Variants in CHCHD6 observed in about 807,000 individuals in gnomAD.
The protein encoded by CHCHD6 is MICOS complex subunit MIC25.
A neutral mutation model predicts 32.3 loss-of-function variants in CHCHD6; 28 were observed. The observed-to-expected ratio is 0.87, with a 90% CI of 0.64 to 1.19. The LOEUF (loss-of-function observed/expected upper bound fraction) is 1.19. Among genes scored for constraint, CHCHD6 ranks in the 50% most tolerant of loss-of-function variants. The probability of loss-of-function intolerance (pLI) is 0.00; values close to 1 mark genes in which losing one functional copy is unlikely to be tolerated. For missense variants in CHCHD6, 333 were observed against 307.0 expected (o/e 1.08, Z -0.63); for synonymous variants, 122 against 117.5 (o/e 1.04, Z -0.25).
At chr3:126,795,842 A>G (rs1282621258) in intron 4 of CHCHD6, among the ~76,000 whole-genome samples, 1 of 152,122 alleles carries the variant, frequency 6.6e-6, no homozygotes. Flanking sequence ...GGAAGCCAGA[A>G]TGGTTTACTT....
chr3:126,731,294 C>T (rs534748662), intron 3 of CHCHD6, among the ~76,000 whole-genome samples: 46 of 152,000 alleles, frequency 3.0e-4, no homozygotes, highest in Admixed American at 2.8e-3. Flanking sequence ...GAGCACAGGC[C>T]ACGACCCCAA....
At chr3:126,753,044 A>G (rs569238965) in intron 4 of CHCHD6, among the ~76,000 whole-genome samples, 2 of 152,266 alleles carry the variant, frequency 1.3e-5, no homozygotes, top group South Asian at 4.1e-4. Flanking sequence ...GGGGGATAGG[A>G]GGATTCCTTG....
chr3:126,911,891 G>A (rs2078096128), intron 5 of CHCHD6, among the ~76,000 whole-genome samples: 1 of 152,202 alleles, frequency 6.6e-6, no homozygotes, highest in South Asian at 2.1e-4. Context: ...TGACACTCAG[G>A]AGCCCTGTGG....
intron 5 of CHCHD6, among the ~76,000 whole-genome samples, chr3:126,879,316 C>A (rs968070153): frequency 2.0e-5 from 3 of 152,172 alleles, no homozygotes; most frequent in African/African-American, 7.2e-5. Flanking sequence ...GGAGACATTG[C>A]TGTGGCCATT....
intron 4 of CHCHD6, among the ~76,000 whole-genome samples, chr3:126,775,832 G>A (rs778371942): frequency 2.0e-5 from 3 of 152,194 alleles, no homozygotes; most frequent in Non-Finnish European, 2.9e-5. Flanking sequence ...GAACTGTTCC[G>A]GTAAAGGAAC....
At chr3:126,905,221 A>G (rs1270949316) in intron 5 of CHCHD6, among the ~76,000 whole-genome samples, 1 of 152,244 alleles carries the variant, frequency 6.6e-6, no homozygotes, top group Non-Finnish European at 1.5e-5. Context: ...AGTCTAAGCC[A>G]GGGAGACAGG....
chr3:126,823,880 T>TACAAAA (rs142328336), intron 4 of CHCHD6, among the ~76,000 whole-genome samples: 21,894 of 151,050 alleles, frequency 0.14, 1,759 homozygotes, highest in Middle Eastern at 0.24. Context: ...ACCCTATCTC[T>TACAAAA]ACAAAAACAA....
At position 126,877,731 on chromosome 3, in the gene CHCHD6, T is replaced by C. The variant is rs563082378; in HGVS notation, c.495+25001T>C. On this transcript the variant is annotated intron_variant, in intron 5 of 7. Coordinates refer to ENST00000290913, the MANE Select transcript of CHCHD6 (RefSeq NM_032343.3). ...CACAAATGAGTGTGTATAAATCTGG[T>C]GAAATCTGAATAAGATTGGTGGATT... Among the ~76,000 whole-genome samples the C allele has an allele frequency of 4.6e-5, 7 of 152,324 alleles. No individual in the cohort carries two copies. The South Asian group carries it at 1.5e-3, about 32-fold the overall frequency.
chr3:126,744,624 CA>C (rs1384263475), intron 4 of CHCHD6, among the ~76,000 whole-genome samples: 4 of 152,120 alleles, frequency 2.6e-5, no homozygotes, highest in African/African-American at 7.2e-5. Context: ...AACAAGACAC[CA>C]GGGGCAGCCA....
At chr3:126,861,261 G>A (rs1941849594) in intron 5 of CHCHD6, among the ~76,000 whole-genome samples, 1 of 151,978 alleles carries the variant, frequency 6.6e-6, no homozygotes, top group African/African-American at 2.4e-5. Flanking sequence ...TATAGTGTGA[G>A]GATAGTGGTT....
chr3:126,930,782 G>A lies in CHCHD6; in HGVS notation c.566+16032G>A, dbSNP rs542309501. ...CCCTTCCCTTCTCTCTTTGAACTCC[G>A]AAGCTCTTATCTCCTTTAGAAGCAA... On this transcript the variant is annotated intron_variant, in intron 6 of 7. Transcript: ENST00000290913. Among the ~76,000 whole-genome samples, 4 of 152,286 alleles carry A rather than the reference G, an allele frequency of 2.6e-5. No individual in the cohort carries two copies. In the South Asian group the frequency reaches 6.2e-4, roughly 24 times the overall value.
intron 4 of CHCHD6, among the ~76,000 whole-genome samples, chr3:126,805,166 C>T (rs1445652775): frequency 6.6e-6 from 1 of 152,192 alleles, no homozygotes. Flanking sequence ...TCTCTCACCA[C>T]CCCTATTCAA....
chr3:126,826,441 T>TA (rs747697001), intron 4 of CHCHD6, among the ~76,000 whole-genome samples: 62 of 152,316 alleles, frequency 4.1e-4, no homozygotes, highest in Middle Eastern at 3.4e-3. Context: ...ATTCAGTAAG[T>TA]AGAGAGAAGG....
At chr3:126,925,471 A>C (rs1448825543) in intron 6 of CHCHD6, among the ~76,000 whole-genome samples, 1 of 152,214 alleles carries the variant, frequency 6.6e-6, no homozygotes, top group South Asian at 2.1e-4. Flanking sequence ...TAACCAAGGG[A>C]AGTTGTACAG....
chr3:126,764,141 TTACTC>T (rs887694558), intron 4 of CHCHD6, among the ~76,000 whole-genome samples: 3 of 148,982 alleles, frequency 2.0e-5, no homozygotes, highest in Non-Finnish European at 4.4e-5. Context: ...TTTAAAATGT[TTACTC>T]TAAGAAATAT....
intron 1 of CHCHD6, among the ~76,000 whole-genome samples, chr3:126,721,287 G>A (rs1190078776): frequency 2.0e-5 from 3 of 152,064 alleles, no homozygotes; most frequent in African/African-American, 7.2e-5. Context: ...TCCACCCCAC[G>A]CCTTCCAAAG....
chr3:126,915,824 T>A (rs1267024987), intron 6 of CHCHD6, among the ~76,000 whole-genome samples: 1 of 152,138 alleles, frequency 6.6e-6, no homozygotes, highest in Non-Finnish European at 1.5e-5. Context: ...AGGGTCTCAC[T>A]GTGTGGGCCC....
intron 6 of CHCHD6, among the ~76,000 whole-genome samples, chr3:126,948,046 G>A (rs571403140): frequency 2.0e-5 from 3 of 152,224 alleles, no homozygotes; most frequent in Admixed American, 2.0e-4. Context: ...CCACCATGCC[G>A]TGGAAAGTGC....
intron 4 of CHCHD6, among the ~76,000 whole-genome samples, chr3:126,754,269 T>G (rs1416848866): frequency 6.6e-6 from 1 of 152,204 alleles, no homozygotes; most frequent in Admixed American, 6.5e-5. Flanking sequence ...ACAGCAATAT[T>G]GACTTCACAG....
Sources: gnomAD v4.1 joint callset for allele counts (sites outside exome capture counted in the v4.1 genomes callset) on GRCh38, gnomAD v4.1.1 for gene constraint, MANE v1.5 for transcripts, NCBI Gene and HGNC (gene_info 2026-07-23, HGNC 2026-07-21) for gene names.